Variants in IPO8 observed in about 807,000 individuals in gnomAD.
IPO8 encodes importin 8.
In IPO8, 65 loss-of-function variants were observed where a neutral mutation model predicts 141.2. The ratio of observed to expected loss-of-function variants is 0.46; its 90% CI spans 0.38 to 0.57. The LOEUF is 0.57. Among genes scored for constraint, IPO8 ranks in the 20% least tolerant of loss-of-function variants. The pLI is 0.00. For synonymous variants in IPO8, 411 were observed against 420.3 expected, an observed-to-expected ratio of 0.98 and a Z score of 0.27; for missense variants, 980 against 1,246.8, an observed-to-expected ratio of 0.79 and a Z score of 3.22.
chr12:30,675,883 A>G (rs2053114412), intron 6 of IPO8, among the ~76,000 whole-genome samples: 2 of 151,758 alleles, frequency 1.3e-5, no homozygotes, highest in Admixed American at 6.6e-5. Flanking sequence ...AAAAGACAGT[A>G]TAAAAGCATT....
intron 15 of IPO8, 42 bp from the exon 16 acceptor site, chr12:30,661,308 G>A: frequency 2.0e-6 from 3 of 1,513,596 alleles, no homozygotes; most frequent in Non-Finnish European, 2.6e-6. Context: ...TAGTAGTACT[G>A]TTACGTCCCC....
At chr12:30,666,375 C>T in intron 10 of IPO8, 124 bp from the exon 11 acceptor site, 1 of 556,108 alleles carries the variant, frequency 1.8e-6, no homozygotes, top group South Asian at 3.3e-5. Flanking sequence ...CACTGCTTGA[C>T]AGTACTAAAA....
chr12:30,671,934 T>C (rs959602520), intron 8 of IPO8, among the ~76,000 whole-genome samples: 2 of 152,030 alleles, frequency 1.3e-5, no homozygotes, highest in Admixed American at 1.3e-4. Context: ...CAAAAAATGA[T>C]AGCACAGGAT....
At chr12:30,651,980 A>C in intron 19 of IPO8, among the ~76,000 whole-genome samples, 1 of 152,142 alleles carries the variant, frequency 6.6e-6, no homozygotes, top group East Asian at 1.9e-4. Context: ...TAAAAAGTAC[A>C]GATATAGAAG....
At chr12:30,677,000 C>T in intron 5 of IPO8, 1 of 1,518,464 alleles carries the variant, frequency 6.6e-7, no homozygotes, top group Non-Finnish European at 8.8e-7. Context: ...TACACTGTAG[C>T]ATAATAACTA....
Position 30,630,015 on chromosome 12 carries a change from C to T in IPO8, c.*845G>A, listed in dbSNP as rs2052408542. 1 of 152,134 alleles carries T rather than the reference C, an allele frequency of 6.6e-6. No homozygotes were observed. The highest frequency in any genetic ancestry group is 2.4e-5 in the African/African-American group (1 of 41,440). 9.4% of individuals were successfully genotyped at this position (152,134 alleles called of 1,614,324 possible). A position where few individuals can be genotyped will look rare whatever the true frequency, so the allele number is the denominator to read the frequency against. On this transcript the variant is annotated 3_prime_UTR_variant, in exon 25 of 25. Transcript: ENST00000256079. The stretch of plus-strand genomic sequence containing the variant: ...TTTAGGTATGATTATCAATTAATTG[C>T]ATAATTACATTATTCAGAATATACT...
Position 30,630,889 on chromosome 12 carries a change from T to TA in IPO8, c.3084dup (p.Asn1029Ter). The TA allele has an allele frequency of 6.2e-7, 1 of 1,613,714 alleles. No homozygotes were observed. The highest frequency in any genetic ancestry group is 8.5e-7 in the Non-Finnish European group (1 of 1,179,886). On this transcript the variant is annotated frameshift_variant, in exon 25 of 25. Coordinates refer to ENST00000256079, the MANE Select transcript of IPO8 (RefSeq NM_006390.4). LOFTEE classifies it high-confidence loss of function. Reference sequence around the variant, plus strand: ...TTGTTGCTGGGCACAGTCCCAAAATTAAATGCGGAGAGGACTCCTTTGTTT... The same window carrying TA: ...TTGTTGCTGGGCACAGTCCCAAAATTAAAATGCGGAGAGGACTCCTTTGTTT...
Position 30,676,559 on chromosome 12 carries a change from T to G in IPO8, c.668A>C (p.Asn223Thr). The change falls in exon 6 of 25, where the codon AAC becomes ACC. Residue 223 changes from asparagine to threonine, a missense_variant. This residue lies in a region of IPO8 where 924 missense variants were observed against 1,153.9 expected (regional missense o/e 0.80). Transcript: ENST00000256079. ...CTCCATCCATGTTGTCATGGTTTGGTTATTCACTAGCTGAAGAGGCAATGC... is the reference window on the plus strand; with the variant it reads ...CTCCATCCATGTTGTCATGGTTTGGGTATTCACTAGCTGAAGAGGCAATGC... ...QYALPLQLVN[N>T]QTMTTWMEIF... is the part of the protein sequence containing the mutation. 6.2e-7 allele frequency: 1 copy of G among 1,612,816 alleles called. No homozygotes were observed. Among genetic ancestry groups the G allele is most frequent in the Non-Finnish European group, 8.5e-7 (1 of 1,178,988 alleles).
intron 24 of IPO8, 40 bp downstream of exon 24, chr12:30,631,855 C>A (rs1591947647): frequency 1.4e-6 from 2 of 1,384,516 alleles, no homozygotes; most frequent in South Asian, 1.2e-5. Flanking sequence ...TGTTGGCACT[C>A]TGACACATGC....
intron 16 of IPO8, among the ~76,000 whole-genome samples, chr12:30,659,013 T>G (rs957801283): frequency 6.6e-6 from 1 of 151,456 alleles, no homozygotes; most frequent in Non-Finnish European, 1.5e-5. Context: ...CCCAAGTAGC[T>G]GGGACTACAG....
At chr12:30,655,147 G>C (rs1214463755) in intron 17 of IPO8, among the ~76,000 whole-genome samples, 1 of 151,944 alleles carries the variant, frequency 6.6e-6, no homozygotes, top group Admixed American at 6.6e-5. Context: ...TTACATTAAG[G>C]TTCACTCTGC....
chr12:30,691,224 CAG>C (rs553470310), intron 1 of IPO8, among the ~76,000 whole-genome samples: 221 of 152,230 alleles, frequency 1.5e-3, no homozygotes, highest in Non-Finnish European at 2.6e-3. Flanking sequence ...CAGAGCAAAA[CAG>C]AGAAGATAAT....
At position 30,661,216 on chromosome 12, in the gene IPO8, T is replaced by G. The variant is rs1437389991; in HGVS notation, c.1806A>C (p.Glu602Asp). The part of the protein sequence containing the change: ...VLQSDEYEEV[E>D]DKTVMAMGIL... The stretch of plus-strand genomic sequence containing the variant: ...TTCCCATAGCCATTACTGTTTTGTC[T>G]TCAACTTCTTCATATTCATCACTTT... Residue 602 changes from glutamate to aspartate, a missense_variant, in exon 16 of 25, where the codon GAA becomes GAC. By Grantham distance (45) the Glu-to-Asp change is conservative. Coordinates refer to ENST00000256079, the MANE Select transcript of IPO8 (RefSeq NM_006390.4). The G allele has an allele frequency of 2.5e-6, 4 of 1,598,556 alleles. No individual in the cohort carries two copies. Among genetic ancestry groups the G allele is most frequent in the Non-Finnish European group, 3.4e-6 (4 of 1,172,888 alleles).
rs776711093 is a variant in IPO8 at position 30,671,135 on chromosome 12, T to C, written c.910-39A>G. 6 of 1,438,244 alleles carry C rather than the reference T, an allele frequency of 4.2e-6. No individual in the cohort carries two copies. In the African/African-American group the frequency reaches 4.2e-5, roughly 10 times the overall value. The allele number at this position is 1,438,244 out of a possible 1,614,324, so 89.1% of individuals were successfully genotyped here. A position where few individuals can be genotyped will look rare whatever the true frequency, so the allele number is the denominator to read the frequency against. On this transcript the variant is annotated intron_variant, in intron 8 of 24. Coordinates refer to ENST00000256079, the MANE Select transcript of IPO8 (RefSeq NM_006390.4). ...GAAAATACAGACTAACATAAACAATTATAAGGTTAAAAGGGGGAGGTGCCA... is the reference window on the plus strand; with the variant it reads ...GAAAATACAGACTAACATAAACAATCATAAGGTTAAAAGGGGGAGGTGCCA...
At chr12:30,672,902 C>T (rs2136161752) in intron 8 of IPO8, among the ~76,000 whole-genome samples, 1 of 152,074 alleles carries the variant, frequency 6.6e-6, no homozygotes, top group African/African-American at 2.4e-5. Context: ...TATTCCATCT[C>T]AAGACAACAG....
At chr12:30,652,413 A>G in intron 18 of IPO8, 124 bp from the exon 19 acceptor site, 2 of 656,732 alleles carry the variant, frequency 3.0e-6, no homozygotes, top group Non-Finnish European at 5.4e-6. Context: ...ACAAAAGGCT[A>G]GAAATGAAAG....
chr12:30,659,049 T>A (rs1463858259), intron 16 of IPO8, among the ~76,000 whole-genome samples: 1 of 151,862 alleles, frequency 6.6e-6, no homozygotes, highest in Non-Finnish European at 1.5e-5. Flanking sequence ...CCAGGCTAAT[T>A]TTTTGTATTT....
At chr12:30,660,937 TA>T (rs377089180) in intron 16 of IPO8, among the ~76,000 whole-genome samples, 101 of 149,568 alleles carry the variant, frequency 6.8e-4, no homozygotes, top group African/African-American at 2.4e-3. Context: ...ATTTACATTA[TA>T]ATATTACAAA....
intron 22 of IPO8, 113 bp downstream of exon 22, chr12:30,636,869 G>T: frequency 1.2e-6 from 1 of 859,622 alleles, no homozygotes; most frequent in Non-Finnish European, 1.8e-6. Context: ...TATATGTGTA[G>T]CAGGCCGAAG....
Sources: allele counts gnomAD v4.1 joint callset (sites outside exome capture counted in the v4.1 genomes callset), GRCh38; gene constraint gnomAD v4.1.1; regional missense constraint gnomAD v4.1.1; transcripts MANE v1.5; gene names NCBI Gene and HGNC (gene_info 2026-07-23, HGNC 2026-07-21).